SLC22A16: variants seen among roughly 807,000 people sequenced by gnomAD.
SLC22A16 encodes the protein solute carrier family 22 member 16.
A neutral mutation model predicts 52.9 loss-of-function variants in SLC22A16; 53 were observed. The observed-to-expected ratio is 1.00, with a 90% CI of 0.80 to 1.26. The LOEUF is 1.26. Among genes scored for constraint, SLC22A16 ranks in the 50% most tolerant of loss-of-function variants. The pLI is 0.00. For missense variants in SLC22A16, 726 were observed against 704.0 expected (o/e 1.03, Z -0.35); for synonymous variants, 291 against 268.8 (o/e 1.08, Z -0.81).
intron 5 of SLC22A16, among the ~76,000 whole-genome samples, chr6:110,437,979 T>C (rs935063339): frequency 3.9e-5 from 6 of 152,176 alleles, no homozygotes; most frequent in Non-Finnish European, 5.9e-5. Context: ...GTCTTGAATA[T>C]CTGACTCATA....
In SLC22A16 at chr6:110,476,576, G is replaced by A; in HGVS notation, c.-2C>T. The A allele has an allele frequency of 6.5e-7, 1 of 1,538,404 alleles. No individual in the cohort carries two copies. Among genetic ancestry groups the A allele is most frequent in the Non-Finnish European group, 8.7e-7 (1 of 1,144,108 alleles). On this transcript the variant is annotated 5_prime_UTR_variant, in exon 1 of 8. Transcript: ENST00000368919. ...CCCCTCGAAGTGGCGGGACCCCATG[G>A]TGCGGCCGTGCACTGGGCGCCGAGT...
At chr6:110,435,993 A>T (rs367577993) in intron 5 of SLC22A16, 32 bp from the exon 6 acceptor site, 1 of 1,342,928 alleles carries the variant, frequency 7.4e-7, no homozygotes, top group South Asian at 1.2e-5. Flanking sequence ...AGATCATCAC[A>T]AGTGGTATTT....
chr6:110,450,143 A>G (rs1474421550), intron 2 of SLC22A16, among the ~76,000 whole-genome samples: 1 of 151,652 alleles, frequency 6.6e-6, no homozygotes, highest in East Asian at 1.9e-4. Context: ...CTTATTTTCC[A>G]TGTGAACTTT....
intron 6 of SLC22A16, among the ~76,000 whole-genome samples, chr6:110,434,291 T>G (rs1241253055): frequency 6.6e-6 from 1 of 152,012 alleles, no homozygotes; most frequent in Non-Finnish European, 1.5e-5. Flanking sequence ...TCCCTTCCCT[T>G]TATAGCTGGG....
intron 4 of SLC22A16, among the ~76,000 whole-genome samples, chr6:110,441,152 T>C (rs1774948712): frequency 6.6e-6 from 1 of 152,204 alleles, no homozygotes; most frequent in Non-Finnish European, 1.5e-5. Flanking sequence ...TGGCAGAGCA[T>C]CCACATTGAG....
At chr6:110,460,611 G>T (rs1243173896) in intron 1 of SLC22A16, among the ~76,000 whole-genome samples, 1 of 152,164 alleles carries the variant, frequency 6.6e-6, no homozygotes, top group Non-Finnish European at 1.5e-5. Flanking sequence ...AGAATAGAGT[G>T]CCAGGTGACC....
At position 110,431,193 on chromosome 6, in the gene SLC22A16, C is replaced by T; in HGVS notation, c.1499G>A (p.Ser500Asn). ...CACCTGTGGTATGAAGATCCAAATG[C>T]TGCTGAGGTCCACAGAGAACGGCGC... ...ILAPFSVDLS[S>N]IWIFIPQLFV... is the part of the protein sequence containing the mutation. The change falls in exon 7 of 8, where the codon AGC (serine) becomes AAC (asparagine). Residue 500 changes from serine (S) to asparagine (N), a missense_variant. Physicochemically the swap from Ser to Asn is conservative, Grantham distance 46. Coordinates refer to ENST00000368919, the MANE Select transcript of SLC22A16 (RefSeq NM_033125.4). The T allele has an allele frequency of 6.2e-7, 1 of 1,613,920 alleles. No homozygotes were observed. Among genetic ancestry groups the T allele is most frequent in the Non-Finnish European group, 8.5e-7 (1 of 1,179,990 alleles).
At chr6:110,459,316 A>C (rs1775781039) in intron 1 of SLC22A16, among the ~76,000 whole-genome samples, 1 of 152,196 alleles carries the variant, frequency 6.6e-6, no homozygotes, top group Non-Finnish European at 1.5e-5. Flanking sequence ...TAAAGTCACC[A>C]AGTGATGAAG....
chr6:110,458,759 G>A (rs758694998), intron 1 of SLC22A16, among the ~76,000 whole-genome samples: 4 of 152,118 alleles, frequency 2.6e-5, no homozygotes, highest in Non-Finnish European at 5.9e-5. Context: ...GGTGAAGGAA[G>A]AGCAAATTTA....
Position 110,438,737 on chromosome 6 carries a change from C to T in SLC22A16, c.1294G>A (p.Val432Ile), listed in dbSNP as rs75035916. Residue 432 changes from valine (V) to isoleucine (I), a missense_variant, in exon 5 of 8, where the codon GTT becomes ATT. Coordinates refer to ENST00000368919, the MANE Select transcript of SLC22A16 (RefSeq NM_033125.4). Reference protein sequence around the residue: ...LFCSALACGVVMVIPQKHYIL... With the variant: ...LFCSALACGVIMVIPQKHYIL... ...TAACTCACCTGGGGGATCACCATAA[C>T]GACACCACAGGCCAGTGCACTGCAG... is the stretch of plus-strand genomic sequence containing the variant. 1.3e-3 allele frequency: 2,074 copies of T among 1,613,438 alleles called. 14 individuals carry two copies. The African/African-American group carries it at 0.017, about 14-fold the overall frequency.
At chr6:110,462,448 C>T (rs537625825) in intron 1 of SLC22A16, among the ~76,000 whole-genome samples, 1 of 152,152 alleles carries the variant, frequency 6.6e-6, no homozygotes, top group African/African-American at 2.4e-5. Flanking sequence ...AATCAACCCC[C>T]AAAAACTTAG....
intron 1 of SLC22A16, among the ~76,000 whole-genome samples, chr6:110,463,654 G>T (rs533972157): frequency 6.6e-6 from 1 of 151,044 alleles, no homozygotes; most frequent in South Asian, 2.1e-4. Flanking sequence ...AATACTATTA[G>T]ACTTACAAAA....
At chr6:110,475,826 T>C in intron 1 of SLC22A16, 1 of 425,782 alleles carries the variant, frequency 2.3e-6, no homozygotes, top group Non-Finnish European at 4.6e-6. Flanking sequence ...TTAAATCAAT[T>C]TGACAAATGA....
chr6:110,446,907 T>C lies in SLC22A16; in HGVS notation c.617A>G (p.Tyr206Cys), dbSNP rs752360575. 6.2e-6 allele frequency: 10 copies of C among 1,613,786 alleles called. No individual in the cohort carries two copies. The African/African-American group carries it at 1.3e-4, about 22-fold the overall frequency. ...AAAAAAGCGAGCAGCCATGAAGGTG[T>C]AATAATCAACTGCAAACGCCGCTGC... ...GIAAAFAVDYYTFMAARFFLA... is the reference protein window; with the variant it reads ...GIAAAFAVDYCTFMAARFFLA... Residue 206 changes from tyrosine to cysteine, a missense_variant, in exon 3 of 8, where the codon TAC becomes TGC. Coordinates refer to ENST00000368919, the MANE Select transcript of SLC22A16 (RefSeq NM_033125.4).
At chr6:110,453,859 T>A (rs894283368) in intron 2 of SLC22A16, among the ~76,000 whole-genome samples, 1 of 152,226 alleles carries the variant, frequency 6.6e-6, no homozygotes, top group Non-Finnish European at 1.5e-5. Context: ...AGGGCTTTCA[T>A]GCTACATTAC....
chr6:110,468,815 A>C (rs1316143678), intron 1 of SLC22A16, among the ~76,000 whole-genome samples: 1 of 152,160 alleles, frequency 6.6e-6, no homozygotes, highest in Non-Finnish European at 1.5e-5. Context: ...CTTGGCTTGA[A>C]GATGAGTGGT....
At chr6:110,476,328 C>G in intron 1 of SLC22A16, 194 bp downstream of exon 1, 1 of 1,377,544 alleles carries the variant, frequency 7.3e-7, no homozygotes. Flanking sequence ...TGCCAGGTCC[C>G]GCTGCCAGAG....
At chr6:110,461,282 A>T (rs1424131903) in intron 1 of SLC22A16, among the ~76,000 whole-genome samples, 2 of 152,196 alleles carry the variant, frequency 1.3e-5, no homozygotes, top group Non-Finnish European at 2.9e-5. Flanking sequence ...GCCTTCTCAC[A>T]GACCTCAGGA....
At chr6:110,460,125 GT>G (rs1247355451) in intron 1 of SLC22A16, among the ~76,000 whole-genome samples, 1 of 152,186 alleles carries the variant, frequency 6.6e-6, no homozygotes, top group Non-Finnish European at 1.5e-5. Flanking sequence ...ATTGACACAT[GT>G]GATCTCCATC....
Sources: allele counts gnomAD v4.1 joint callset (sites outside exome capture counted in the v4.1 genomes callset), GRCh38; gene constraint gnomAD v4.1.1; transcripts MANE v1.5; gene names NCBI Gene and HGNC (gene_info 2026-07-23, HGNC 2026-07-21).